EFHD1: variants seen among roughly 807,000 people sequenced by gnomAD.
The protein encoded by EFHD1 is EF-hand domain family member D1.
In EFHD1, 10 loss-of-function variants were observed where a neutral mutation model predicts 17.2. That is an observed-to-expected ratio of 0.58 (90% confidence interval 0.36 to 0.99). The LOEUF is 0.99. Ranked by LOEUF, EFHD1 falls within the 50% of genes least tolerant of loss-of-function variation. The probability of loss-of-function intolerance (pLI) is 0.01; values close to 1 mark genes in which losing one functional copy is unlikely to be tolerated. For missense variants in EFHD1, 310 were observed against 327.5 expected (o/e 0.95, Z 0.41); for synonymous variants, 153 against 142.0 (o/e 1.08, Z -0.55).
chr2:232,614,115 C>T (rs1329532561), intron 1 of EFHD1, among the ~76,000 whole-genome samples: 1 of 151,658 alleles, frequency 6.6e-6, no homozygotes, highest in Non-Finnish European at 1.5e-5. Flanking sequence ...ATTATACACA[C>T]ATGCACATAC....
intron 1 of EFHD1, chr2:232,638,158 C>T (rs959166016): frequency 8.9e-6 from 3 of 337,140 alleles, no homozygotes; most frequent in South Asian, 2.5e-5. Context: ...AGCGTGTATC[C>T]GTGGCTGTAA....
rs574363702 is a variant in EFHD1 at position 232,659,850 on chromosome 2, C to A, written c.303-2952C>A. 2.0e-5 allele frequency among the ~76,000 whole-genome samples: 3 copies of A among 152,322 alleles called. No individual in the cohort carries two copies. The South Asian group carries it at 6.2e-4, about 32-fold the overall frequency. On this transcript the variant is annotated intron_variant, in intron 1 of 3. Transcript: ENST00000264059. ...TTCTGGGGAGGCCTCAGGAAACTTA[C>A]AACCATGGCAGAAGGTGAAGGGGGA...
chr2:232,626,599 C>A (rs951382413), intron 1 of EFHD1, among the ~76,000 whole-genome samples: 5 of 152,210 alleles, frequency 3.3e-5, no homozygotes, highest in East Asian at 1.9e-4. Context: ...TAAGTACACA[C>A]CTTTTTAATA....
intron 1 of EFHD1, among the ~76,000 whole-genome samples, chr2:232,623,734 A>G (rs1487361526): frequency 6.6e-6 from 1 of 151,896 alleles, no homozygotes; most frequent in African/African-American, 2.4e-5. Flanking sequence ...GAAAGAAAAA[A>G]AAGAAATAGC....
chr2:232,681,734 C>T lies in EFHD1; in HGVS notation c.*15C>T. On this transcript the variant is annotated 3_prime_UTR_variant, in exon 4 of 4. Transcript: ENST00000264059. ...TCAATACATAGTCCTGCTGACCTTG[C>T]CCTCTGCCCACAGCTGTGCCTCACA... 1 of 1,611,998 alleles carries T rather than the reference C, an allele frequency of 6.2e-7. No homozygotes were observed. Among genetic ancestry groups the T allele is most frequent in the Non-Finnish European group, 8.5e-7 (1 of 1,178,986 alleles).
chr2:232,615,831 G>C (rs934210781), intron 1 of EFHD1, among the ~76,000 whole-genome samples: 3 of 151,898 alleles, frequency 2.0e-5, no homozygotes, highest in African/African-American at 7.3e-5. Flanking sequence ...GGGATTACAG[G>C]CATGCGCCAC....
chr2:232,660,343 T>C (rs773912927), intron 1 of EFHD1, among the ~76,000 whole-genome samples: 45 of 151,916 alleles, frequency 3.0e-4, no homozygotes, highest in Admixed American at 1.1e-3. Flanking sequence ...TACAGGTGCC[T>C]GCCACCACGC....
chr2:232,620,668 A>G (rs1694004196), intron 1 of EFHD1, among the ~76,000 whole-genome samples: 1 of 152,058 alleles, frequency 6.6e-6, no homozygotes, highest in Admixed American at 6.6e-5. Flanking sequence ...TTTATTGAAG[A>G]TACCTTCTCT....
At chr2:232,658,488 T>C (rs1044919226) in intron 1 of EFHD1, among the ~76,000 whole-genome samples, 1 of 152,148 alleles carries the variant, frequency 6.6e-6, no homozygotes, top group African/African-American at 2.4e-5. Flanking sequence ...CACAACTAAA[T>C]AAGCATGTGA....
At chr2:232,676,240 TA>T (rs1309689308) in intron 3 of EFHD1, among the ~76,000 whole-genome samples, 2 of 152,056 alleles carry the variant, frequency 1.3e-5, no homozygotes, top group Admixed American at 1.3e-4. Flanking sequence ...GAGGAAAAGT[TA>T]TGAACTGGGT....
chr2:232,681,803 C>A lies in EFHD1; in HGVS notation c.*84C>A. On this transcript the variant is annotated 3_prime_UTR_variant, in exon 4 of 4. Coordinates refer to ENST00000264059, the MANE Select transcript of EFHD1 (RefSeq NM_025202.4). ...GACTAGGCATCTTCATCACTGCTGT[C>A]GGTCCCCTCCCTGAGCCAGCATCTC... The A allele has an allele frequency of 6.6e-7, 1 of 1,514,068 alleles. No individual in the cohort carries two copies. Among genetic ancestry groups the A allele is most frequent in the East Asian group, 2.4e-5 (1 of 41,764 alleles). The allele number at this position is 1,514,068 out of a possible 1,614,324, so 93.8% of individuals were successfully genotyped here. A position where few individuals can be genotyped will look rare whatever the true frequency, so the allele number is the denominator to read the frequency against.
intron 1 of EFHD1, among the ~76,000 whole-genome samples, chr2:232,643,098 C>G (rs1694461730): frequency 6.6e-6 from 1 of 152,040 alleles, no homozygotes; most frequent in Non-Finnish European, 1.5e-5. Flanking sequence ...GTGAGTTTCC[C>G]CGAGTCACAT....
At chr2:232,676,422 C>T (rs998488079) in intron 3 of EFHD1, among the ~76,000 whole-genome samples, 8 of 152,118 alleles carry the variant, frequency 5.3e-5, no homozygotes, top group African/African-American at 1.7e-4. Flanking sequence ...TCTGTCTGCC[C>T]GGCTGTAATT....
chr2:232,612,763 C>T lies in EFHD1; in HGVS notation c.14+6590C>T, dbSNP rs1693833637. On this transcript the variant is annotated intron_variant, in intron 1 of 3. Coordinates refer to the EFHD1 transcript ENST00000409613. ...TTTTTTTTTTTTTGAGATGGAGTCACACTCTATTGCCCAGGCTGGAGTGCA... is the reference window on the plus strand; with the variant it reads ...TTTTTTTTTTTTTGAGATGGAGTCATACTCTATTGCCCAGGCTGGAGTGCA... Among the ~76,000 whole-genome samples, 11 of 144,992 alleles carry T rather than the reference C, an allele frequency of 7.6e-5. 1 individual carries two copies. The Admixed American group carries it at 7.8e-4, about 10-fold the overall frequency.
intron 1 of EFHD1, among the ~76,000 whole-genome samples, chr2:232,622,425 T>C (rs2344364): frequency 0.26 from 35,377 of 138,402 alleles, 4,635 homozygotes; most frequent in East Asian, 0.61. Context: ...GCTGAGATCA[T>C]ACCACTGCAC....
At chr2:232,642,925 C>T (rs1304046321) in intron 1 of EFHD1, among the ~76,000 whole-genome samples, 1 of 152,120 alleles carries the variant, frequency 6.6e-6, no homozygotes, top group African/African-American at 2.4e-5. Flanking sequence ...AAAACTCTGC[C>T]CCAAACTCAC....
At chr2:232,632,902 G>A (rs1694228397), upstream of EFHD1, among the ~76,000 whole-genome samples, 1 of 152,256 alleles carries the variant, frequency 6.6e-6, no homozygotes, top group African/African-American at 2.4e-5. Context: ...GATTGCGGAT[G>A]TGAGTCTCCG....
intron 1 of EFHD1, among the ~76,000 whole-genome samples, chr2:232,622,916 G>A (rs146964627): frequency 8.1e-4 from 123 of 152,348 alleles, no homozygotes; most frequent in African/African-American, 2.8e-3. Flanking sequence ...TTGATTACAT[G>A]TAGGGATGAT....
rs147610674 is a variant in EFHD1, at chr2:232,617,373, G to A, written c.14+11200G>A. ...TCAGTATGTATCAAGAATGCTGGCC[G>A]GGCGCAGTGGCTCACGCTTTAATCC... On this transcript the variant is annotated intron_variant, in intron 1 of 3. Coordinates refer to the EFHD1 transcript ENST00000409613. Among the ~76,000 whole-genome samples the A allele has an allele frequency of 2.9e-3, 435 of 152,274 alleles. 2 individuals carry two copies. The highest frequency in any genetic ancestry group is 0.021 in the Middle Eastern group (6 of 292).
Sources: gnomAD v4.1 joint callset for allele counts (sites outside exome capture counted in the v4.1 genomes callset) on GRCh38, gnomAD v4.1.1 for gene constraint, MANE v1.5 for transcripts, NCBI Gene and HGNC (gene_info 2026-07-23, HGNC 2026-07-21) for gene names.